Variants in SNTG2 observed in about 807,000 individuals in gnomAD.
The protein encoded by SNTG2 is gamma-2-syntrophin.
In SNTG2, 74 loss-of-function variants were observed where a neutral mutation model predicts 70.9. That is an observed-to-expected ratio of 1.04 (90% confidence interval 0.86 to 1.27). The LOEUF (loss-of-function observed/expected upper bound fraction) is 1.27, where lower values mean the gene tolerates loss of function less well. SNTG2 is among the 50% of genes most tolerant of loss of function. SNTG2 has a pLI of 0.00. For synonymous variants in SNTG2, 278 were observed against 273.8 expected, an observed-to-expected ratio of 1.02 and a Z score of -0.15; for missense variants, 717 against 690.7, an observed-to-expected ratio of 1.04 and a Z score of -0.43.
chr2:1,148,981 C>T (rs181330366), intron 6 of SNTG2, among the ~76,000 whole-genome samples: 1 of 152,144 alleles, frequency 6.6e-6, no homozygotes, highest in African/African-American at 2.4e-5. Flanking sequence ...CGCCCCTTTC[C>T]CTAAAAATAA....
chr2:1,307,462 CGAGA>C (rs1254190008), intron 14 of SNTG2, among the ~76,000 whole-genome samples: 2 of 146,976 alleles, frequency 1.4e-5, no homozygotes, highest in African/African-American at 2.6e-5. Context: ...TGTGTGTATG[CGAGA>C]GAGAGAAGAG....
chr2:1,106,751 CG>C lies in SNTG2; in HGVS notation c.325+8342del, dbSNP rs1356142995. 4.2e-4 allele frequency among the ~76,000 whole-genome samples: 34 copies of C among 81,042 alleles called. 3 individuals are homozygous for C. The highest frequency in any genetic ancestry group is 1.5e-3 in the African/African-American group (26 of 17,662). 53.2% of individuals were successfully genotyped at this position (81,042 alleles called of 152,430 possible). ...GAGAGCTCCTTGATAATAATGGACACGTGCTGTCACTCGGGTGCAGGGTATG... is the reference window on the plus strand; with the variant it reads ...GAGAGCTCCTTGATAATAATGGACACTGCTGTCACTCGGGTGCAGGGTATG... On this transcript the variant is annotated intron_variant, in intron 4 of 16. Transcript: ENST00000308624.
At chr2:1,195,717 T>A (rs1043575029) in intron 8 of SNTG2, among the ~76,000 whole-genome samples, 1 of 152,256 alleles carries the variant, frequency 6.6e-6, no homozygotes, top group African/African-American at 2.4e-5. Flanking sequence ...GCAGAAGCTC[T>A]TTAGTTTAAT....
chr2:1,090,880 C>G (rs1664976299), intron 2 of SNTG2, among the ~76,000 whole-genome samples: 1 of 152,160 alleles, frequency 6.6e-6, no homozygotes, highest in Non-Finnish European at 1.5e-5. Context: ...GGCCACTTGC[C>G]CAGCTCCTGA....
chr2:1,218,871 C>T (rs1050287828), intron 9 of SNTG2, among the ~76,000 whole-genome samples: 2 of 152,140 alleles, frequency 1.3e-5, no homozygotes, highest in African/African-American at 4.8e-5. Flanking sequence ...TGATATAATA[C>T]TTTACTGCTT....
intron 12 of SNTG2, among the ~76,000 whole-genome samples, chr2:1,248,666 C>T (rs900074001): frequency 6.6e-6 from 1 of 152,168 alleles, no homozygotes; most frequent in African/African-American, 2.4e-5. Flanking sequence ...TGTTTTTGAG[C>T]AGAGCTAAGA....
rs193249540 is a variant in SNTG2 at position 1,071,592 on chromosome 2, G to A, written c.73-11926G>A. On this transcript the variant is annotated intron_variant, in intron 1 of 16. Transcript: ENST00000308624. ...GGTGCAGCGCACCAGCACGGCACAT[G>A]TATACATATGTAACCTGCACAATGT... Among the ~76,000 whole-genome samples, 239 of 151,128 alleles carry A rather than the reference G, an allele frequency of 1.6e-3. 4 individuals are homozygous for A. The South Asian group carries it at 0.019, about 12-fold the overall frequency.
At chr2:1,177,151 A>G (rs1469664010) in intron 8 of SNTG2, among the ~76,000 whole-genome samples, 1 of 152,252 alleles carries the variant, frequency 6.6e-6, no homozygotes, top group Admixed American at 6.5e-5. Context: ...ATGCAGCCAT[A>G]AAAAGGAGCA....
intron 1 of SNTG2, among the ~76,000 whole-genome samples, chr2:1,040,614 T>C (rs1234722594): frequency 6.6e-6 from 1 of 152,222 alleles, no homozygotes; most frequent in Non-Finnish European, 1.5e-5. Context: ...CTGTTGATAA[T>C]AGAAAAACTT....
At chr2:1,036,549 TTTTAA>T (rs1186103127) in intron 1 of SNTG2, among the ~76,000 whole-genome samples, 4 of 152,076 alleles carry the variant, frequency 2.6e-5, no homozygotes, top group Admixed American at 2.6e-4. Context: ...CCACTGTGGT[TTTTAA>T]TTTGATTCTA....
intron 1 of SNTG2, among the ~76,000 whole-genome samples, chr2:980,256 C>T (rs948140928): frequency 1.2e-4 from 19 of 152,164 alleles, no homozygotes; most frequent in Non-Finnish European, 2.1e-4. Flanking sequence ...AGTTACAACT[C>T]GGTCCTGGGC....
chr2:1,286,224 G>A (rs768867388), intron 14 of SNTG2, among the ~76,000 whole-genome samples: 4 of 152,122 alleles, frequency 2.6e-5, no homozygotes, highest in Non-Finnish European at 4.4e-5. Flanking sequence ...GGATCACTAG[G>A]GGTGATAGTG....
intron 12 of SNTG2, among the ~76,000 whole-genome samples, chr2:1,248,784 G>T (rs1270158505): frequency 6.6e-6 from 1 of 152,146 alleles, no homozygotes; most frequent in African/African-American, 2.4e-5. Context: ...ATGCATGAAG[G>T]GGCTGAGGTG....
chr2:1,066,207 A>C (rs1000603761), intron 1 of SNTG2, among the ~76,000 whole-genome samples: 4 of 152,204 alleles, frequency 2.6e-5, no homozygotes, highest in African/African-American at 9.6e-5. Flanking sequence ...CATTTTCTGC[A>C]TTCTGCTGGG....
In SNTG2 at chr2:1,298,522, G is replaced by A. The variant is rs367660293; in HGVS notation, c.1285-9972G>A. 4.6e-5 allele frequency among the ~76,000 whole-genome samples: 7 copies of A among 152,290 alleles called. No homozygotes were observed. In the East Asian group the frequency reaches 1.2e-3, roughly 25 times the overall value. On this transcript the variant is annotated intron_variant, in intron 14 of 16. Transcript: ENST00000308624. ...AAAACAGTGAAGCAGAATTAAACCAGTAAGCATTGGTAGAGACCCTGTCCT... is the reference window on the plus strand; with the variant it reads ...AAAACAGTGAAGCAGAATTAAACCAATAAGCATTGGTAGAGACCCTGTCCT...
chr2:1,189,283 T>C (rs1456220932), intron 8 of SNTG2, among the ~76,000 whole-genome samples: 3 of 152,220 alleles, frequency 2.0e-5, no homozygotes, highest in East Asian at 3.9e-4. Flanking sequence ...AACCTCAATA[T>C]CCTAAATATG....
chr2:1,302,483 A>G (rs961708082), intron 14 of SNTG2, among the ~76,000 whole-genome samples: 48 of 151,644 alleles, frequency 3.2e-4, no homozygotes, highest in Non-Finnish European at 1.8e-4. Flanking sequence ...AACCAGAGCA[A>G]TTTCTAAAAA....
chr2:1,105,755 G>A (rs560131427), intron 4 of SNTG2, among the ~76,000 whole-genome samples: 3 of 152,234 alleles, frequency 2.0e-5, no homozygotes, highest in Non-Finnish European at 2.9e-5. Context: ...CGGAAAAGCC[G>A]AGGTGCAGGC....
intron 4 of SNTG2, among the ~76,000 whole-genome samples, chr2:1,119,193 A>G (rs1161844337): frequency 6.6e-6 from 1 of 152,152 alleles, no homozygotes; most frequent in East Asian, 1.9e-4. Flanking sequence ...CCCTTCAGAA[A>G]TGGAGAAAGT....
Sources: gnomAD v4.1 joint callset for allele counts (sites outside exome capture counted in the v4.1 genomes callset) on GRCh38, gnomAD v4.1.1 for gene constraint, MANE v1.5 for transcripts, NCBI Gene and HGNC (gene_info 2026-07-23, HGNC 2026-07-21) for gene names.